Variants in CNNM4 observed in about 807,000 individuals in gnomAD.
CNNM4 encodes metal transporter CNNM4.
Under a neutral mutation model 53.7 loss-of-function variants are expected in CNNM4, and 32 were observed. That is an observed-to-expected ratio of 0.60 (90% CI 0.45 to 0.80). The LOEUF (loss-of-function observed/expected upper bound fraction) is 0.80, where lower values mean the gene tolerates loss of function less well. CNNM4 is among the 30% of genes least tolerant of loss of function. The pLI is 0.00. For missense variants in CNNM4, 784 were observed against 1,022.0 expected (o/e 0.77, Z 3.17); for synonymous variants, 410 against 440.0 (o/e 0.93, Z 0.85).
chr2:96,808,577 C>T lies in CNNM4; in HGVS notation c.1965C>T (p.His655=). 2 of 1,614,050 alleles carry T rather than the reference C, an allele frequency of 1.2e-6. No individual in the cohort carries two copies. The highest frequency in any genetic ancestry group is 1.7e-6 in the Non-Finnish European group (2 of 1,179,994). The change falls in exon 6 of 7, where the codon CAC becomes CAT. Residue 655 remains histidine, a synonymous_variant. Transcript: ENST00000377075. The surrounding 1 kb of genome is among the most constrained non-coding windows in gnomAD (Gnocchi z 4.9). ...TCCCTGCAGACCGTTCCCCAGCACA[C>T]CCCACCCCACTCAGCCGCTCAGCCT... ...TSVPSDRSPA[H]PTPLSRSASL... is the part of the protein sequence containing the mutation.
chr2:96,797,613 GCTC>G lies in CNNM4; in HGVS notation c.1653_1655del (p.Leu552del). On this transcript the variant is annotated inframe_deletion, in exon 3 of 7. Transcript: ENST00000377075. This position sits in a 1 kb window ranked among gnomAD's most constrained non-coding sequence, Gnocchi z 6.0. ...AGCTCAAAGTGAAAATCTCCCCGCA[GCTC>G]CTCCTGGCCGCTCATCGCTTCCTAG... is the stretch of plus-strand genomic sequence containing the variant. 1 of 1,614,136 alleles carries G rather than the reference GCTC, an allele frequency of 6.2e-7. No homozygotes were observed. The highest frequency in any genetic ancestry group is 8.5e-7 in the Non-Finnish European group (1 of 1,180,040).
chr2:96,773,126 A>G (rs1471963262), intron 1 of CNNM4, among the ~76,000 whole-genome samples: 2 of 152,204 alleles, frequency 1.3e-5, no homozygotes, highest in Non-Finnish European at 2.9e-5. Context: ...ACCGAAACCT[A>G]TTTCTCATGA....
chr2:96,785,061 A>G (rs1243929497), intron 1 of CNNM4, among the ~76,000 whole-genome samples: 2 of 151,996 alleles, frequency 1.3e-5, no homozygotes, highest in African/African-American at 2.4e-5. Flanking sequence ...TGTTTTTAGT[A>G]GAGATAGGAT....
At chr2:96,799,957 C>G (rs2079144118) in intron 5 of CNNM4, among the ~76,000 whole-genome samples, 1 of 152,120 alleles carries the variant, frequency 6.6e-6, no homozygotes, top group Admixed American at 6.5e-5. Flanking sequence ...GGAGAGGAGG[C>G]CTGTGGGGAG....
chr2:96,799,728 A>G, intron 5 of CNNM4, 80 bp downstream of exon 5: 1 of 1,197,476 alleles, frequency 8.4e-7, no homozygotes, highest in East Asian at 2.5e-5. Context: ...AGAACTGAGC[A>G]TGGGCCCGAG....
At chr2:96,806,171 C>G (rs1465988830) in intron 5 of CNNM4, among the ~76,000 whole-genome samples, 1 of 151,436 alleles carries the variant, frequency 6.6e-6, no homozygotes, top group Non-Finnish European at 1.5e-5. Flanking sequence ...GCTGGCCGGG[C>G]GGGGGGCTGA....
At chr2:96,799,784 G>A (rs2079142564) in intron 5 of CNNM4, 136 bp downstream of exon 5, 1 of 786,034 alleles carries the variant, frequency 1.3e-6, no homozygotes, top group Admixed American at 2.0e-5. Flanking sequence ...GGTGAGGCGG[G>A]AGCCGCCAGG....
rs767564679 is a variant in CNNM4, at chr2:96,809,305, C to G, written c.2131-15C>G. 1.6e-5 allele frequency: 26 copies of G among 1,613,858 alleles called. No homozygotes were observed. In the Admixed American group the frequency reaches 4.3e-4, roughly 27 times the overall value. On this transcript the variant is annotated splice_polypyrimidine_tract_variant and intron_variant, in intron 6 of 6. Coordinates refer to ENST00000377075, the MANE Select transcript of CNNM4 (RefSeq NM_020184.4). ...CCAGCCCCTCCCTCCATGAACTCAT[C>G]CCTTCCTCATGCAGATCACTCGGCA...
intron 1 of CNNM4, among the ~76,000 whole-genome samples, chr2:96,770,149 A>G (rs72809842): frequency 6.6e-6 from 1 of 152,228 alleles, no homozygotes; most frequent in African/African-American, 2.4e-5. Flanking sequence ...TCTTCACTTG[A>G]CAGTTCTCTT....
rs2079149523 is a variant in CNNM4, at chr2:96,800,518, C to T, written c.1948+870C>T. ...GTAGGGCACCCATGAATACTGACAC[C>T]CAGCTTGGCTTATCCACCATGTCCT... On this transcript the variant is annotated intron_variant, in intron 5 of 6. Transcript: ENST00000377075. The surrounding 1 kb of genome is among the most constrained non-coding windows in gnomAD (Gnocchi z 4.6). Among the ~76,000 whole-genome samples the T allele has an allele frequency of 6.6e-6, 1 of 152,158 alleles. No individual in the cohort carries two copies. Among genetic ancestry groups the T allele is most frequent in the Non-Finnish European group, 1.5e-5 (1 of 68,028 alleles).
chr2:96,772,456 A>G (rs1278170406), intron 1 of CNNM4, among the ~76,000 whole-genome samples: 1 of 125,120 alleles, frequency 8.0e-6, no homozygotes, highest in Non-Finnish European at 1.6e-5. Context: ...ATACCCCCAC[A>G]TAGGCACAGG....
Position 96,762,316 on chromosome 2 carries a change from GACTATC to G in CNNM4, c.1321_1326del (p.Ile441_Thr442del), listed in dbSNP as rs780839523. ...ACCCCGATGACTGCACCCCCCTCAA[GACTATC>G]ACTCGCTTCTATAACCACCCGGTGC... On this transcript the variant is annotated inframe_deletion, in exon 1 of 7. Coordinates refer to ENST00000377075, the MANE Select transcript of CNNM4 (RefSeq NM_020184.4). 6.2e-7 allele frequency: 1 copy of G among 1,614,116 alleles called. No individual in the cohort carries two copies.
intron 1 of CNNM4, among the ~76,000 whole-genome samples, chr2:96,778,300 G>A (rs567011577): frequency 1.9e-4 from 29 of 151,328 alleles, no homozygotes; most frequent in Non-Finnish European, 2.7e-4. Context: ...GCTCACGCCT[G>A]TAATCCCAGC....
chr2:96,797,755 G>C lies in CNNM4; in HGVS notation c.1681+108G>C. The C allele has an allele frequency of 6.8e-7, 1 of 1,472,908 alleles. No homozygotes were observed. The highest frequency in any genetic ancestry group is 9.2e-7 in the Non-Finnish European group (1 of 1,081,678). 91.2% of individuals were successfully genotyped at this position (1,472,908 alleles called of 1,614,324 possible). A position where few individuals can be genotyped will look rare whatever the true frequency, so the allele number is the denominator to read the frequency against. On this transcript the variant is annotated intron_variant, in intron 3 of 6. Transcript: ENST00000377075. The surrounding 1 kb of genome is among the most constrained non-coding windows in gnomAD (Gnocchi z 6.0). ...TAGGACGAGGGCTGCAGCAGGTGAG[G>C]GGTGCAGAGACAACACAGCCACCCC...
intron 1 of CNNM4, among the ~76,000 whole-genome samples, chr2:96,770,555 C>T (rs62156234): frequency 6.6e-6 from 1 of 152,164 alleles, no homozygotes; most frequent in Non-Finnish European, 1.5e-5. Context: ...TGAGCCTCAC[C>T]GTCCTTCGCA....
Position 96,797,207 on chromosome 2 carries a change from A to C in CNNM4, c.1546+52A>C. 1 of 1,611,860 alleles carries C rather than the reference A, an allele frequency of 6.2e-7. No homozygotes were observed. Among genetic ancestry groups the C allele is most frequent in the Non-Finnish European group, 8.5e-7 (1 of 1,179,044 alleles). On this transcript the variant is annotated intron_variant, in intron 2 of 6. Coordinates refer to ENST00000377075, the MANE Select transcript of CNNM4 (RefSeq NM_020184.4). The surrounding 1 kb of genome is among the most constrained non-coding windows in gnomAD (Gnocchi z 6.0). ...GGACCCCTTTCCTGCTTGGATCGAA[A>C]CTTGGTGTCCCTAGCTGGAAGGGCC...
chr2:96,802,824 G>A (rs1292499308), intron 5 of CNNM4, among the ~76,000 whole-genome samples: 2 of 152,194 alleles, frequency 1.3e-5, no homozygotes, highest in Admixed American at 6.5e-5. Flanking sequence ...TGTCCGGGGA[G>A]TCGGTGGGAA....
chr2:96,794,572 C>G (rs971819356), intron 1 of CNNM4, among the ~76,000 whole-genome samples: 1 of 152,194 alleles, frequency 6.6e-6, no homozygotes, highest in Non-Finnish European at 1.5e-5. Context: ...GCTGTGGCCC[C>G]TTTTGAGTCC....
chr2:96,809,549 C>T lies in CNNM4; in HGVS notation c.*32C>T, dbSNP rs749313626. ...GGCCCGGGGCCCCCTGCCCACCCTG[C>T]GGGGGCCTCCCCAGTGGGCCCACAT... On this transcript the variant is annotated 3_prime_UTR_variant, in exon 7 of 7. Transcript: ENST00000377075. 4.4e-6 allele frequency: 7 copies of T among 1,595,720 alleles called. No individual in the cohort carries two copies. The highest frequency in any genetic ancestry group is 4.5e-5 in the East Asian group (2 of 44,758).
Sources: gnomAD v4.1 joint callset for allele counts (sites outside exome capture counted in the v4.1 genomes callset) on GRCh38, gnomAD v4.1.1 for gene constraint, Gnocchi (gnomAD v3.1) non-coding constraint, MANE v1.5 for transcripts, NCBI Gene and HGNC (gene_info 2026-07-23, HGNC 2026-07-21) for gene names.